CEP290: variants seen among roughly 807,000 people sequenced by gnomAD.
CEP290 encodes centrosomal protein of 290 kDa.
Under a neutral mutation model 344.9 loss-of-function variants are expected in CEP290, and 317 were observed. That is an observed-to-expected ratio of 0.92 (90% CI 0.84 to 1.01). The LOEUF (loss-of-function observed/expected upper bound fraction) is 1.01, where lower values mean the gene tolerates loss of function less well. CEP290 is among the 50% of genes least tolerant of loss of function. The pLI, the probability that CEP290 is intolerant of heterozygous loss-of-function variation, is 0.00. For missense variants in CEP290, 2,754 were observed against 2,761.4 expected, an observed-to-expected ratio of 1.00 and a Z score of 0.06; for synonymous variants, 932 against 895.8, an observed-to-expected ratio of 1.04 and a Z score of -0.72.
chr12:88,132,177 C>T (rs2040113060), intron 6 of CEP290, among the ~76,000 whole-genome samples: 1 of 152,176 alleles, frequency 6.6e-6, no homozygotes, highest in Admixed American at 6.5e-5. Flanking sequence ...TCTTGTTTCT[C>T]TGAACAGGCA....
At position 88,092,764 on chromosome 12, in the gene CEP290, C is replaced by T. The variant is rs546939043; in HGVS notation, c.3378G>A (p.Val1126=). The change falls in exon 29 of 54, where the codon GTG becomes GTA. Residue 1126 remains valine (V), a synonymous_variant. Transcript: ENST00000552810. ...QMLRDELADS[V]SKAVSDADRQ... is the part of the protein sequence containing the mutation. ...TATCAGCATCACTTACTGCCTTGCT[C>T]ACACTATCAGCTAATTCATCTCTTA... The T allele has an allele frequency of 3.7e-6, 6 of 1,610,256 alleles. No homozygotes were observed. Among genetic ancestry groups the T allele is most frequent in the East Asian group, 4.5e-5 (2 of 44,550 alleles).
In CEP290 at chr12:88,077,812, T is replaced by C. The variant is rs747296290; in HGVS notation, c.5471A>G (p.Asn1824Ser). The C allele has an allele frequency of 6.5e-7, 1 of 1,541,908 alleles. No individual in the cohort carries two copies. Among genetic ancestry groups the C allele is most frequent in the Admixed American group, 1.8e-5 (1 of 55,432 alleles). ...GGCTTTTTGTTTCTTTTGCAGTTCA[T>C]TATTTAAGTCATTCAAATTATCAGT... is the stretch of plus-strand genomic sequence containing the variant. ...SLTDNLNDLN[N>S]ELQKKQKAYN... The change falls in exon 40 of 54, where the codon AAT becomes AGT. Residue 1824 changes from asparagine to serine, a missense_variant. Transcript: ENST00000552810.
chr12:88,135,084 T>G (rs971096593), intron 6 of CEP290, among the ~76,000 whole-genome samples: 2 of 152,142 alleles, frequency 1.3e-5, no homozygotes, highest in African/African-American at 4.8e-5. Context: ...TTATTGACTA[T>G]GAATATTCTT....
At chr12:88,099,475 A>C (rs1429635434) in intron 26 of CEP290, among the ~76,000 whole-genome samples, 1 of 152,160 alleles carries the variant, frequency 6.6e-6, no homozygotes, top group Non-Finnish European at 1.5e-5. Flanking sequence ...TATTTGAAAA[A>C]ACAGAATGCC....
intron 43 of CEP290, among the ~76,000 whole-genome samples, chr12:88,071,047 G>C (rs1275679396): frequency 6.6e-6 from 1 of 152,106 alleles, no homozygotes; most frequent in East Asian, 1.9e-4. Flanking sequence ...CCGATTGCAT[G>C]CTAAAACAAA....
chr12:88,093,765 C>G lies in CEP290; in HGVS notation c.3309+5G>C. 6.3e-7 allele frequency: 1 copy of G among 1,588,936 alleles called. No homozygotes were observed. The highest frequency in any genetic ancestry group is 8.6e-7 in the Non-Finnish European group (1 of 1,164,328). ...AATTGTATGATAAAACTTATAATATCAAACCTCAGCAAATTTGGTTTCCAA... is the reference window on the plus strand; with the variant it reads ...AATTGTATGATAAAACTTATAATATGAAACCTCAGCAAATTTGGTTTCCAA... On this transcript the variant is annotated splice_donor_5th_base_variant and intron_variant, in intron 28 of 53. Coordinates refer to ENST00000552810, the MANE Select transcript of CEP290 (RefSeq NM_025114.4).
rs779765809 is a variant in CEP290 at position 88,130,373 on chromosome 12, A to C, written c.564T>G (p.Asp188Glu). Residue 188 changes from aspartate (D) to glutamate (E), a missense_variant, in exon 9 of 54, where the codon GAT becomes GAG. Transcript: ENST00000552810. ...QDIIDYQKQI[D>E]SQKETLLSRR... ...TTGATAAAAGTGTTTCTTTCTGTGA[A>C]TCTATTTGTTTCTGGTAGTCAATAA... 6.2e-7 allele frequency: 1 copy of C among 1,610,594 alleles called. No homozygotes were observed. The highest frequency in any genetic ancestry group is 8.5e-7 in the Non-Finnish European group (1 of 1,178,720).
In CEP290 at chr12:88,115,693, T is replaced by A. The variant is rs552570195; in HGVS notation, c.1825-511A>T. On this transcript the variant is annotated intron_variant, in intron 18 of 53. Transcript: ENST00000552810. ...AGTGCAAACAAAAATATTCTAACTA[T>A]AATTGTTACAGAACTTTGTTAGAGA... is the stretch of plus-strand genomic sequence containing the variant. 9.3e-5 allele frequency: 93 copies of A among 996,942 alleles called. No individual in the cohort carries two copies. In the African/African-American group the frequency reaches 1.6e-3, roughly 17 times the overall value. The allele number at this position is 996,942 out of a possible 1,614,324, so 61.8% of individuals were successfully genotyped here.
At chr12:88,064,388 A>T (rs1008820282) in intron 44 of CEP290, among the ~76,000 whole-genome samples, 1 of 152,104 alleles carries the variant, frequency 6.6e-6, no homozygotes, top group African/African-American at 2.4e-5. Context: ...ATAATTTCAT[A>T]ATGGTTAAAC....
intron 18 of CEP290, 31 bp from the exon 19 acceptor site, chr12:88,115,213 T>G: frequency 8.5e-7 from 1 of 1,171,284 alleles, no homozygotes; most frequent in Non-Finnish European, 1.2e-6. Context: ...AAAATTGATT[T>G]TTTTCAACAA....
rs570614266 is a variant in CEP290 at position 88,058,761 on chromosome 12, A to G, written c.6818+87T>C. On this transcript the variant is annotated intron_variant, in intron 49 of 53. Transcript: ENST00000552810. ...ACAAACTGTTCATCAGGAAGAAACC[A>G]GGTTATCCAGAATAGTGTTGTCTTT... The G allele has an allele frequency of 9.2e-5, 119 of 1,288,456 alleles. No individual in the cohort carries two copies. In the African/African-American group the frequency reaches 1.7e-3, roughly 19 times the overall value. 79.8% of individuals were successfully genotyped at this position (1,288,456 alleles called of 1,614,324 possible). A position where few individuals can be genotyped will look rare whatever the true frequency, so the allele number is the denominator to read the frequency against.
At chr12:88,099,470 G>T (rs552210534) in intron 26 of CEP290, among the ~76,000 whole-genome samples, 41 of 152,086 alleles carry the variant, frequency 2.7e-4, no homozygotes, top group Non-Finnish European at 4.7e-4. Context: ...TTTTTTATTT[G>T]AAAAAACAGA....
At chr12:88,079,307 A>G (rs2036016994) in intron 38 of CEP290, 78 bp from the exon 39 acceptor site, 1 of 1,160,070 alleles carries the variant, frequency 8.6e-7, no homozygotes, top group East Asian at 2.9e-5. Flanking sequence ...ATAAAAAATA[A>G]ACAAGCTTTA....
chr12:88,077,934 G>GA lies in CEP290; in HGVS notation c.5365-17dup, dbSNP rs1265886917. The GA allele has an allele frequency of 8.9e-7, 1 of 1,125,076 alleles. No individual in the cohort carries two copies. Among genetic ancestry groups the GA allele is most frequent in the Non-Finnish European group, 1.3e-6 (1 of 793,274 alleles). 69.7% of individuals were successfully genotyped at this position (1,125,076 alleles called of 1,614,324 possible). The stretch of plus-strand genomic sequence containing the variant: ...CAACTTGTGTCTAATAAGAGAAAAA[G>GA]AAAGGTATTATTCATGACTCTTCAA... On this transcript the variant is annotated splice_polypyrimidine_tract_variant and intron_variant, in intron 39 of 53. Coordinates refer to ENST00000552810, the MANE Select transcript of CEP290 (RefSeq NM_025114.4).
intron 46 of CEP290, among the ~76,000 whole-genome samples, chr12:88,061,392 TA>T (rs773480678): frequency 1.9e-4 from 29 of 152,312 alleles, no homozygotes; most frequent in Non-Finnish European, 3.5e-4. Context: ...AATTAAATTT[TA>T]ATTGCAACAT....
intron 13 of CEP290, among the ~76,000 whole-genome samples, chr12:88,123,425 T>C (rs2039536006): frequency 6.6e-6 from 1 of 152,122 alleles, no homozygotes; most frequent in Admixed American, 6.6e-5. Flanking sequence ...CATTGCTAAG[T>C]CCAATAGTCA....
At chr12:88,085,934 T>C (rs1406188342) in intron 34 of CEP290, 105 bp downstream of exon 34, 5 of 1,019,474 alleles carry the variant, frequency 4.9e-6, no homozygotes, top group Non-Finnish European at 6.9e-6. Context: ...AAATTAGCAA[T>C]AGATTCATCA....
chr12:88,128,973 A>T lies in CEP290; in HGVS notation c.915T>A (p.Ala305=). The T allele has an allele frequency of 6.5e-7, 1 of 1,537,772 alleles. No individual in the cohort carries two copies. The highest frequency in any genetic ancestry group is 8.7e-7 in the Non-Finnish European group (1 of 1,152,536). ...KNEEDDPIMV[A]VNAKVEEWKL... ...TCCATTCTTCTACTTTTGCATTGAC[A>T]GCTACCATAATTGGATCATCTTCTT... Residue 305 remains alanine (A), a synonymous_variant, in exon 11 of 54, where the codon GCT becomes GCA. Coordinates refer to ENST00000552810, the MANE Select transcript of CEP290 (RefSeq NM_025114.4).
chr12:88,112,776 C>T (rs1487574295), intron 20 of CEP290, among the ~76,000 whole-genome samples: 1 of 152,030 alleles, frequency 6.6e-6, no homozygotes, highest in African/African-American at 2.4e-5. Flanking sequence ...TAGAGCAGGT[C>T]ATGCAGAGTA....
Sources: gnomAD v4.1 joint callset for allele counts (sites outside exome capture counted in the v4.1 genomes callset) on GRCh38, gnomAD v4.1.1 for gene constraint, MANE v1.5 for transcripts, NCBI Gene and HGNC (gene_info 2026-07-23, HGNC 2026-07-21) for gene names.